Variants in GSK3B observed in about 807,000 individuals in gnomAD.
GSK3B encodes glycogen synthase kinase-3 beta.
Under a neutral mutation model 56.4 loss-of-function variants are expected in GSK3B, and 15 were observed. The ratio of observed to expected loss-of-function variants is 0.27; its 90% CI spans 0.18 to 0.41. The LOEUF is 0.41. Among genes scored for constraint, GSK3B ranks in the 10% least tolerant of loss-of-function variants. GSK3B has a pLI of 1.00. For missense variants in GSK3B, 300 were observed against 513.4 expected (o/e 0.58, Z 4.02); for synonymous variants, 181 against 188.9 (o/e 0.96, Z 0.34).
intron 7 of GSK3B, among the ~76,000 whole-genome samples, chr3:119,890,460 T>C (rs1404874117): frequency 6.6e-6 from 1 of 152,126 alleles, no homozygotes; most frequent in Non-Finnish European, 1.5e-5. Flanking sequence ...AATGATCACC[T>C]GAGACAGAAG....
chr3:119,894,253 G>GT (rs2056537086), intron 7 of GSK3B, among the ~76,000 whole-genome samples: 1 of 144,542 alleles, frequency 6.9e-6, no homozygotes, highest in African/African-American at 2.9e-5. Context: ...TTGTGTGGAT[G>GT]TAAGTTTTCA....
At chr3:120,024,397 T>C (rs959851544) in intron 1 of GSK3B, among the ~76,000 whole-genome samples, 2 of 152,186 alleles carry the variant, frequency 1.3e-5, no homozygotes, top group African/African-American at 2.4e-5. Flanking sequence ...GAGAGTATAA[T>C]AGACATTCTT....
At chr3:119,835,200 T>C (rs1373434236) in intron 10 of GSK3B, among the ~76,000 whole-genome samples, 2 of 152,188 alleles carry the variant, frequency 1.3e-5, no homozygotes, top group Admixed American at 1.3e-4. Context: ...TATGAGGACA[T>C]GGGGCAATGG....
chr3:119,980,441 C>T (rs189908598), intron 2 of GSK3B, among the ~76,000 whole-genome samples: 240 of 152,260 alleles, frequency 1.6e-3, no homozygotes, highest in African/African-American at 4.6e-3. Flanking sequence ...CAACCTCTGC[C>T]TCATGGGTTC....
At chr3:120,003,429 C>A (rs1194475526) in intron 1 of GSK3B, among the ~76,000 whole-genome samples, 1 of 152,202 alleles carries the variant, frequency 6.6e-6, no homozygotes, top group Non-Finnish European at 1.5e-5. Context: ...TCTACTGTTT[C>A]TTCTCTCTTC....
At chr3:120,029,654 G>A in intron 1 of GSK3B, 1 of 537,326 alleles carries the variant, frequency 1.9e-6, no homozygotes. Context: ...TCATAGCAGA[G>A]AATGCCCTAA....
intron 7 of GSK3B, among the ~76,000 whole-genome samples, chr3:119,890,682 C>T (rs1275744377): frequency 6.8e-6 from 1 of 147,552 alleles, no homozygotes; most frequent in Admixed American, 6.8e-5. Context: ...ACTAAACTGT[C>T]ATTTAAAATG....
chr3:119,959,370 CATGTT>C (rs1452115533), intron 2 of GSK3B, among the ~76,000 whole-genome samples: 1 of 152,112 alleles, frequency 6.6e-6, no homozygotes, highest in African/African-American at 2.4e-5. Context: ...ATCAACTTGA[CATGTT>C]ATAAGTAAAA....
At chr3:119,863,663 A>C in intron 8 of GSK3B, 58 bp from the exon 9 acceptor site, 1 of 1,051,920 alleles carries the variant, frequency 9.5e-7, no homozygotes, top group South Asian at 1.4e-5. Context: ...ATCTAAGCAA[A>C]TACCCTGTGA....
At chr3:119,881,710 C>G (rs2056380916) in intron 7 of GSK3B, among the ~76,000 whole-genome samples, 2 of 152,124 alleles carry the variant, frequency 1.3e-5, no homozygotes, top group African/African-American at 4.8e-5. Flanking sequence ...GGGGATAATT[C>G]AAGAGTTACT....
In GSK3B at chr3:119,963,641, A is replaced by AG. The variant is rs963353448; in HGVS notation, c.283-16291_283-16290insC. 1.2e-4 allele frequency among the ~76,000 whole-genome samples: 18 copies of AG among 150,488 alleles called. No individual in the cohort carries two copies. In the East Asian group the frequency reaches 1.4e-3, roughly 11 times the overall value. ...TCTTCCCCACAAAAAAAAAAAAAAA[A>AG]AAAGAAAGAAAAAAAGAAAAAAGAA... On this transcript the variant is annotated intron_variant, in intron 2 of 10. Transcript: ENST00000264235.
At chr3:119,940,730 T>G (rs1184072359) in intron 3 of GSK3B, among the ~76,000 whole-genome samples, 3 of 152,258 alleles carry the variant, frequency 2.0e-5, no homozygotes, top group African/African-American at 7.2e-5. Flanking sequence ...TTTGAAAACC[T>G]AATAAAACAC....
chr3:119,832,676 T>C lies in GSK3B; in HGVS notation c.1196-5821A>G, dbSNP rs375260119. On this transcript the variant is annotated intron_variant, in intron 10 of 10. Coordinates refer to ENST00000264235, the MANE Select transcript of GSK3B (RefSeq NM_001146156.2). ...CCAGAATTGTTTTCTCAGGAATCAA[T>C]TGTTTTCTGAAAAGTCTATGGCTCT... is the stretch of plus-strand genomic sequence containing the variant. Among the ~76,000 whole-genome samples the C allele has an allele frequency of 8.1e-4, 124 of 152,336 alleles. 4 individuals carry two copies. The South Asian group carries it at 0.024, about 30-fold the overall frequency.
At chr3:119,901,624 C>A (rs1303578768) in intron 7 of GSK3B, among the ~76,000 whole-genome samples, 3 of 152,136 alleles carry the variant, frequency 2.0e-5, no homozygotes, top group Non-Finnish European at 4.4e-5. Flanking sequence ...AGTCAATAAA[C>A]AACATACACA....
intron 10 of GSK3B, among the ~76,000 whole-genome samples, chr3:119,835,619 TC>T (rs1219790775): frequency 1.3e-5 from 2 of 152,204 alleles, no homozygotes; most frequent in Admixed American, 1.3e-4. Flanking sequence ...AATTTTTACT[TC>T]CTAAAATAAC....
intron 1 of GSK3B, among the ~76,000 whole-genome samples, chr3:120,031,501 C>G (rs896368071): frequency 6.6e-6 from 1 of 152,168 alleles, no homozygotes; most frequent in Non-Finnish European, 1.5e-5. Flanking sequence ...CTTGGGTAGT[C>G]AGGACTCTGC....
chr3:120,086,132 G>A (rs2058461463), intron 1 of GSK3B, among the ~76,000 whole-genome samples: 2 of 151,342 alleles, frequency 1.3e-5, no homozygotes, highest in South Asian at 4.2e-4. Context: ...CTTCTAAGCA[G>A]TCCACAAACA....
At chr3:119,848,613 C>A (rs192863476) in intron 9 of GSK3B, among the ~76,000 whole-genome samples, 5 of 152,208 alleles carry the variant, frequency 3.3e-5, no homozygotes, top group Non-Finnish European at 7.4e-5. Flanking sequence ...TCCCCTAAGA[C>A]CCTAGCAAGG....
At chr3:119,836,379 G>C (rs2055690622) in intron 10 of GSK3B, among the ~76,000 whole-genome samples, 1 of 152,016 alleles carries the variant, frequency 6.6e-6, no homozygotes, top group African/African-American at 2.4e-5. Flanking sequence ...CTGTTAGAAG[G>C]GTTTTCAACT....
Sources: gnomAD v4.1 joint callset for allele counts (sites outside exome capture counted in the v4.1 genomes callset) on GRCh38, gnomAD v4.1.1 for gene constraint, MANE v1.5 for transcripts, NCBI Gene and HGNC (gene_info 2026-07-23, HGNC 2026-07-21) for gene names.